Variants in CAPRIN1 observed in about 807,000 individuals in gnomAD.
CAPRIN1 encodes caprin-1.
In CAPRIN1, 29 loss-of-function variants were observed where a neutral mutation model predicts 100.9. That is an observed-to-expected ratio of 0.29 (90% CI 0.21 to 0.39). The LOEUF (loss-of-function observed/expected upper bound fraction) is 0.39, where lower values mean the gene tolerates loss of function less well. Ranked by LOEUF, CAPRIN1 falls within the 10% of genes least tolerant of loss-of-function variation. The probability of loss-of-function intolerance (pLI) is 1.00; values close to 1 mark genes in which losing one functional copy is unlikely to be tolerated. For missense variants in CAPRIN1, 795 were observed against 876.7 expected (o/e 0.91, Z 1.18); for synonymous variants, 338 against 307.5 (o/e 1.10, Z -1.04).
In CAPRIN1 at chr11:34,086,222, A is replaced by G. The variant is rs1851141153; in HGVS notation, c.1122+3A>G. The G allele has an allele frequency of 5.6e-6, 9 of 1,613,570 alleles. No individual in the cohort carries two copies. Among genetic ancestry groups the G allele is most frequent in the Non-Finnish European group, 7.6e-6 (9 of 1,179,578 alleles). ...AGGGTCCCTATAATTTCATACAGGT[A>G]TGTTCATTTTAGTCAGACTCTGTAA... On this transcript the variant is annotated splice_donor_region_variant and intron_variant, in intron 10 of 18. Coordinates refer to ENST00000341394, the MANE Select transcript of CAPRIN1 (RefSeq NM_005898.5).
chr11:34,060,334 A>G (rs1052384600), intron 2 of CAPRIN1, among the ~76,000 whole-genome samples: 1 of 151,942 alleles, frequency 6.6e-6, no homozygotes, highest in Admixed American at 6.6e-5. Flanking sequence ...ATACTGTTCT[A>G]AAAATATTTT....
chr11:34,072,788 T>C (rs1488694574), intron 4 of CAPRIN1, among the ~76,000 whole-genome samples: 5 of 152,240 alleles, frequency 3.3e-5, no homozygotes, highest in Admixed American at 6.5e-5. Context: ...TACAGGCATG[T>C]ACTCCATAAT....
At chr11:34,098,782 A>G (rs1235960637) in intron 18 of CAPRIN1, 2 of 984,820 alleles carry the variant, frequency 2.0e-6, no homozygotes, top group East Asian at 2.3e-4. Flanking sequence ...GCATGTAAAA[A>G]GTTATTTTAT....
intron 2 of CAPRIN1, among the ~76,000 whole-genome samples, chr11:34,060,893 G>C (rs1323105970): frequency 6.6e-6 from 1 of 152,176 alleles, no homozygotes; most frequent in Non-Finnish European, 1.5e-5. Context: ...CTAATATTTT[G>C]AAAGATGCCC....
intron 9 of CAPRIN1, 115 bp from the exon 10 acceptor site, chr11:34,085,948 AG>A (rs1201063229): frequency 2.7e-6 from 2 of 751,408 alleles, no homozygotes; most frequent in Non-Finnish European, 4.3e-6. Flanking sequence ...ACTGCATTAA[AG>A]CCCGTTCTGT....
chr11:34,097,521 T>G (rs1851390131), intron 17 of CAPRIN1, among the ~76,000 whole-genome samples, 177 bp from the exon 18 acceptor site: 1 of 152,206 alleles, frequency 6.6e-6, no homozygotes, highest in Non-Finnish European at 1.5e-5. Flanking sequence ...TCACTGAATG[T>G]TCTTTGAGAA....
At position 34,076,315 on chromosome 11, in the gene CAPRIN1, T is replaced by C; in HGVS notation, c.446T>C (p.Val149Ala). 8 of 1,614,242 alleles carry C rather than the reference T, an allele frequency of 5.0e-6. No homozygotes were observed. Among genetic ancestry groups the C allele is most frequent in the Non-Finnish European group, 6.8e-6 (8 of 1,180,026 alleles). Residue 149 changes from valine to alanine, a missense_variant, in exon 5 of 19, where the codon GTA becomes GCA. Physicochemically the swap from Val to Ala is moderately conservative, Grantham distance 64. Coordinates refer to ENST00000341394, the MANE Select transcript of CAPRIN1 (RefSeq NM_005898.5). ...GCTGAACAGAAACGTTTAAAAACTG[T>C]ACTTGAGCTACAGTATGTTTTGGAC... is the stretch of plus-strand genomic sequence containing the variant. ...EEAEQKRLKT[V>A]LELQYVLDKL...
rs1474735714 is a variant in CAPRIN1, at chr11:34,089,517, AG to A, written c.1293+62del. ...TTAGGTGGCTCGTACCTATAATCCT[AG>A]TACTTTAGGAGGCTGAGATGGGAGG... is the stretch of plus-strand genomic sequence containing the variant. On this transcript the variant is annotated intron_variant, in intron 12 of 18. Coordinates refer to ENST00000341394, the MANE Select transcript of CAPRIN1 (RefSeq NM_005898.5). 9 of 980,862 alleles carry A rather than the reference AG, an allele frequency of 9.2e-6. No homozygotes were observed. The East Asian group carries it at 2.2e-4, about 24-fold the overall frequency. 60.8% of individuals were successfully genotyped at this position (980,862 alleles called of 1,614,324 possible). A position where few individuals can be genotyped will look rare whatever the true frequency, so the allele number is the denominator to read the frequency against.
Position 34,099,363 on chromosome 11 carries a change from A to G in CAPRIN1, c.2126A>G (p.Asn709Ser). Residue 709 changes from asparagine to serine, a missense_variant, in exon 19 of 19, where the codon AAT becomes AGT. Physicochemically the swap from Asn to Ser is conservative, Grantham distance 46. This residue lies in a region of CAPRIN1 where 648 missense variants were observed against 697.9 expected (regional missense o/e 0.93). Coordinates refer to ENST00000341394, the MANE Select transcript of CAPRIN1 (RefSeq NM_005898.5). ...CCGCAAATGAACACTCAGCAAGTGA[A>G]TTAATCTGATTCACAGGATTATGTT... ...GMPQMNTQQV[N>S] is the part of the protein sequence containing the mutation. 1 of 1,613,056 alleles carries G rather than the reference A, an allele frequency of 6.2e-7. No individual in the cohort carries two copies. The highest frequency in any genetic ancestry group is 8.5e-7 in the Non-Finnish European group (1 of 1,178,998).
intron 17 of CAPRIN1, 142 bp from the exon 18 acceptor site, chr11:34,097,556 A>T (rs1851390972): frequency 1.2e-6 from 1 of 839,780 alleles, no homozygotes; most frequent in Non-Finnish European, 1.9e-6. Flanking sequence ...CAATTACAGA[A>T]CAAGGTGTAG....
chr11:34,090,338 G>T, intron 13 of CAPRIN1, 49 bp downstream of exon 13: 1 of 1,316,970 alleles, frequency 7.6e-7, no homozygotes, highest in South Asian at 1.2e-5. Context: ...ACTTACTCAT[G>T]AATTGAACAG....
chr11:34,088,920 T>A (rs1419351802), intron 11 of CAPRIN1, among the ~76,000 whole-genome samples: 1 of 152,140 alleles, frequency 6.6e-6, no homozygotes, highest in East Asian at 1.9e-4. Flanking sequence ...TATCTGCATT[T>A]CCCAATTTAC....
At chr11:34,074,487 A>G (rs561297506) in intron 4 of CAPRIN1, among the ~76,000 whole-genome samples, 38 of 152,274 alleles carry the variant, frequency 2.5e-4, no homozygotes, top group African/African-American at 8.9e-4. Context: ...TGAACTGTTC[A>G]TTTCATACAG....
At chr11:34,070,280 A>AT (rs1850782800) in intron 2 of CAPRIN1, among the ~76,000 whole-genome samples, 1 of 152,250 alleles carries the variant, frequency 6.6e-6, no homozygotes, top group African/African-American at 2.4e-5. Context: ...CCTTGAACTA[A>AT]CAAAGCAAAG....
At chr11:34,068,632 CTG>C (rs1182368088) in intron 2 of CAPRIN1, among the ~76,000 whole-genome samples, 2 of 152,122 alleles carry the variant, frequency 1.3e-5, no homozygotes, top group African/African-American at 4.8e-5. Flanking sequence ...GTACTGAAGT[CTG>C]TCAATTTTAG....
intron 7 of CAPRIN1, 59 bp downstream of exon 7, chr11:34,079,824 A>C: frequency 6.7e-7 from 1 of 1,499,996 alleles, no homozygotes; most frequent in South Asian, 1.2e-5. Context: ...TGATTTTGCT[A>C]CAAATTTAAA....
chr11:34,090,733 T>C lies in CAPRIN1; in HGVS notation c.1554+55T>C. ...AGTATGTAATATGAATCATGGTAGATTTTCTTTTCTTTTTTAAAGGTCTTC... is the reference window on the plus strand; with the variant it reads ...AGTATGTAATATGAATCATGGTAGACTTTCTTTTCTTTTTTAAAGGTCTTC... On this transcript the variant is annotated intron_variant, in intron 14 of 18. Coordinates refer to ENST00000341394, the MANE Select transcript of CAPRIN1 (RefSeq NM_005898.5). The C allele has an allele frequency of 3.9e-6, 6 of 1,521,134 alleles. No homozygotes were observed. In the South Asian group the frequency reaches 5.8e-5, roughly 15 times the overall value. The allele number at this position is 1,521,134 out of a possible 1,614,324, so 94.2% of individuals were successfully genotyped here.
rs368823439 is a variant in CAPRIN1 at position 34,071,840 on chromosome 11, C to T, written c.279+52C>T. 2,884 of 1,585,682 alleles carry T rather than the reference C, an allele frequency of 1.8e-3. 31 individuals carry two copies. Among genetic ancestry groups the T allele is most frequent in the Non-Finnish European group, 1.3e-3 (1,527 of 1,156,384 alleles). Reference sequence around the variant, plus strand: ...GACCTAATGCTCACTATTTTAAAGACAAAAATTAATTCTGTGGTTTTTTGT... The same window carrying T: ...GACCTAATGCTCACTATTTTAAAGATAAAAATTAATTCTGTGGTTTTTTGT... On this transcript the variant is annotated intron_variant, in intron 3 of 18. Coordinates refer to ENST00000341394, the MANE Select transcript of CAPRIN1 (RefSeq NM_005898.5).
intron 11 of CAPRIN1, among the ~76,000 whole-genome samples, chr11:34,088,761 T>G (rs1490211643): frequency 1.3e-5 from 2 of 152,204 alleles, no homozygotes; most frequent in East Asian, 3.8e-4. Flanking sequence ...TTAAAAGTCT[T>G]TTTTCATGGC....
Sources: gnomAD v4.1 joint callset for allele counts (sites outside exome capture counted in the v4.1 genomes callset) on GRCh38, gnomAD v4.1.1 for gene constraint, gnomAD v4.1.1 regional missense constraint, MANE v1.5 for transcripts, NCBI Gene and HGNC (gene_info 2026-07-23, HGNC 2026-07-21) for gene names.